Variants in GALNT13 observed in about 807,000 individuals in gnomAD.
The protein encoded by GALNT13 is UDP-GalNAc:polypeptide N-acetylgalactosaminyltransferase 13.
A neutral mutation model predicts 64.2 loss-of-function variants in GALNT13; 28 were observed. That is an observed-to-expected ratio of 0.44 (90% confidence interval 0.32 to 0.60). GALNT13 has a LOEUF of 0.60. Among genes scored for constraint, GALNT13 ranks in the 20% least tolerant of loss-of-function variants. The pLI is 0.05. For missense variants in GALNT13, 577 were observed against 669.8 expected, an observed-to-expected ratio of 0.86 and a Z score of 1.53; for synonymous variants, 214 against 224.6, an observed-to-expected ratio of 0.95 and a Z score of 0.42.
At chr2:154,323,045 A>G (rs570808323) in intron 9 of GALNT13, among the ~76,000 whole-genome samples, 31 of 152,128 alleles carry the variant, frequency 2.0e-4, no homozygotes, top group African/African-American at 7.5e-4. Context: ...CAAGGGGCCT[A>G]CACAGGAGCA....
the GALNT13 span, among the ~76,000 whole-genome samples, chr2:153,723,676 C>T: frequency 6.6e-6 from 1 of 151,908 alleles, no homozygotes; most frequent in Non-Finnish European, 1.5e-5. Flanking sequence ...AAACAGAGAG[C>T]CAAATCATGA....
intron 4 of GALNT13, among the ~76,000 whole-genome samples, chr2:154,179,783 A>G (rs1249221963): frequency 6.6e-6 from 1 of 151,318 alleles, no homozygotes; most frequent in African/African-American, 2.4e-5. Context: ...TCCAGAAATG[A>G]CATTTGTCAG....
the GALNT13 span, among the ~76,000 whole-genome samples, chr2:153,571,952 A>T: frequency 6.6e-6 from 1 of 151,828 alleles, no homozygotes; most frequent in Non-Finnish European, 1.5e-5. Context: ...CAGGGTAATA[A>T]TTGCCTTATA....
At chr2:153,134,828 C>T in the GALNT13 span, among the ~76,000 whole-genome samples, 3 of 152,026 alleles carry the variant, frequency 2.0e-5, no homozygotes, top group Non-Finnish European at 2.9e-5. Context: ...TCAGCTCCTC[C>T]GTTTAAGGTA....
chr2:153,749,152 T>A, the GALNT13 span, among the ~76,000 whole-genome samples: 1 of 152,060 alleles, frequency 6.6e-6, no homozygotes, highest in South Asian at 2.1e-4. Flanking sequence ...GTGTATGGAT[T>A]TTTTTCTGAG....
chr2:153,470,373 G>A, the GALNT13 span, among the ~76,000 whole-genome samples: 4 of 152,074 alleles, frequency 2.6e-5, no homozygotes, highest in Non-Finnish European at 4.4e-5. Context: ...GTCATTGACT[G>A]AGTACACCCT....
intron 11 of GALNT13, among the ~76,000 whole-genome samples, chr2:154,413,399 A>G (rs769425554): frequency 9.9e-5 from 15 of 151,980 alleles, no homozygotes; most frequent in Non-Finnish European, 1.8e-4. Context: ...ACTTTTACCC[A>G]TATGGATTTA....
chr2:153,566,356 T>TTTTTTTTTG, the GALNT13 span, among the ~76,000 whole-genome samples: 2 of 70,866 alleles, frequency 2.8e-5, no homozygotes, highest in Non-Finnish European at 6.5e-5. Context: ...ACGTTTTTTT[T>TTTTTTTTTG]TTTTTTTTTT....
At chr2:153,402,205 A>G in the GALNT13 span, among the ~76,000 whole-genome samples, 5 of 150,234 alleles carry the variant, frequency 3.3e-5, no homozygotes, top group East Asian at 1.9e-4. Flanking sequence ...TTGGCTGGAT[A>G]TGAAATTCTG....
chr2:153,248,593 C>A, the GALNT13 span, among the ~76,000 whole-genome samples: 1 of 151,764 alleles, frequency 6.6e-6, no homozygotes, highest in Non-Finnish European at 1.5e-5. Context: ...GAGGGCAGAT[C>A]ACGAGGTCAG....
At chr2:154,400,368 G>A (rs1458976185) in intron 10 of GALNT13, among the ~76,000 whole-genome samples, 1 of 151,992 alleles carries the variant, frequency 6.6e-6, no homozygotes, top group African/African-American at 2.4e-5. Flanking sequence ...AATGAAATTG[G>A]GTGGCTTTAA....
At chr2:153,558,446 C>T in the GALNT13 span, among the ~76,000 whole-genome samples, 3 of 152,174 alleles carry the variant, frequency 2.0e-5, no homozygotes, top group Non-Finnish European at 2.9e-5. Context: ...GCCCCTCCAG[C>T]GGTATCCCAC....
At chr2:153,419,096 T>A in the GALNT13 span, among the ~76,000 whole-genome samples, 1 of 152,158 alleles carries the variant, frequency 6.6e-6, no homozygotes, top group Non-Finnish European at 1.5e-5. Flanking sequence ...TGGGTAATTT[T>A]TGAAGGAAAG....
chr2:154,343,715 A>C (rs1158675329), intron 9 of GALNT13, among the ~76,000 whole-genome samples: 1 of 152,086 alleles, frequency 6.6e-6, no homozygotes, highest in East Asian at 1.9e-4. Flanking sequence ...ACATTGATAT[A>C]TACAGTGAAT....
chr2:153,196,223 C>T, the GALNT13 span, among the ~76,000 whole-genome samples: 2 of 152,116 alleles, frequency 1.3e-5, no homozygotes, highest in Admixed American at 1.3e-4. Context: ...AGGAGCCTAT[C>T]TGCCTCATGC....
chr2:153,871,201 T>C (rs1478538498), upstream of GALNT13, among the ~76,000 whole-genome samples: 1 of 152,190 alleles, frequency 6.6e-6, no homozygotes, highest in Non-Finnish European at 1.5e-5. Context: ...TTTAATATCA[T>C]ACCTACTTGC....
At chr2:153,528,960 A>G in the GALNT13 span, among the ~76,000 whole-genome samples, 2 of 152,000 alleles carry the variant, frequency 1.3e-5, no homozygotes, top group African/African-American at 4.8e-5. Flanking sequence ...AAATACTTAC[A>G]TCAAAAAAAT....
At chr2:153,171,908 C>G in the GALNT13 span, 104,053 of 152,082 alleles carry the variant, frequency 0.68, 35,707 homozygotes, top group East Asian at 0.82. Context: ...ATGTAGATTA[C>G]TTTCTTCCAT....
chr2:154,426,447 T>C (rs1328445828), intron 11 of GALNT13, among the ~76,000 whole-genome samples: 1 of 152,196 alleles, frequency 6.6e-6, no homozygotes, highest in Non-Finnish European at 1.5e-5. Context: ...GGAAGGAGGT[T>C]ATACAGGGCA....
Sources: allele counts gnomAD v4.1 joint callset (sites outside exome capture counted in the v4.1 genomes callset), GRCh38; gene constraint gnomAD v4.1.1; transcripts MANE v1.5; gene names NCBI Gene and HGNC (gene_info 2026-07-23, HGNC 2026-07-21).